EPB41L4A: variants seen among roughly 807,000 people sequenced by gnomAD.
EPB41L4A encodes the protein erythrocyte membrane protein band 4.1 like 4A.
Under a neutral mutation model 108.6 loss-of-function variants are expected in EPB41L4A, and 100 were observed. That is an observed-to-expected ratio of 0.92 (90% CI 0.78 to 1.09). The LOEUF (loss-of-function observed/expected upper bound fraction) is 1.09. EPB41L4A is among the 50% of genes least tolerant of loss of function. The pLI is 0.00. For missense variants in EPB41L4A, 1,030 were observed against 842.7 expected (o/e 1.22, Z -2.75); for synonymous variants, 319 against 289.0 (o/e 1.10, Z -1.05).
intron 1 of EPB41L4A, among the ~76,000 whole-genome samples, chr5:112,353,129 G>A (rs1363661924): frequency 6.6e-6 from 1 of 152,194 alleles, no homozygotes; most frequent in African/African-American, 2.4e-5. Flanking sequence ...GGCTTAGGCT[G>A]TTATTAGTGA....
At chr5:112,371,459 G>A (rs1189268753) in intron 1 of EPB41L4A, among the ~76,000 whole-genome samples, 4 of 152,158 alleles carry the variant, frequency 2.6e-5, no homozygotes, top group Admixed American at 1.3e-4. Flanking sequence ...CTTAAGATAT[G>A]GAATCCCTTG....
At chr5:112,153,673 T>G (rs1348260306) in intron 12 of EPB41L4A, among the ~76,000 whole-genome samples, 2 of 150,524 alleles carry the variant, frequency 1.3e-5, no homozygotes, top group Non-Finnish European at 3.0e-5. Context: ...ACACAATAGC[T>G]GATAGATCAA....
intron 1 of EPB41L4A, among the ~76,000 whole-genome samples, chr5:112,340,186 G>C (rs1177583920): frequency 6.6e-6 from 1 of 152,184 alleles, no homozygotes; most frequent in Non-Finnish European, 1.5e-5. Context: ...AGGAAAGGAA[G>C]ATCTACCCAA....
At chr5:112,391,034 A>C (rs1760899502) in intron 1 of EPB41L4A, among the ~76,000 whole-genome samples, 2 of 152,218 alleles carry the variant, frequency 1.3e-5, no homozygotes, top group Non-Finnish European at 2.9e-5. Context: ...CAACATCAAC[A>C]AAAAGGACAT....
At chr5:112,251,397 T>C (rs528540583) in intron 9 of EPB41L4A, among the ~76,000 whole-genome samples, 2 of 152,208 alleles carry the variant, frequency 1.3e-5, no homozygotes, top group Admixed American at 6.5e-5. Context: ...GCATAAGAGA[T>C]TGGTTGAATA....
At chr5:112,170,895 A>T in intron 19 of EPB41L4A, 50 bp downstream of exon 19, 1 of 1,539,526 alleles carries the variant, frequency 6.5e-7, no homozygotes, top group Non-Finnish European at 9.0e-7. Flanking sequence ...TTGCAATTGC[A>T]TTAAAACTAC....
chr5:112,248,896 G>A (rs943047463), intron 9 of EPB41L4A, among the ~76,000 whole-genome samples: 1 of 152,048 alleles, frequency 6.6e-6, no homozygotes, highest in African/African-American at 2.4e-5. Context: ...CTGTACTCTT[G>A]ACAGGCTCCT....
chr5:112,255,607 G>C (rs556781725), intron 9 of EPB41L4A, among the ~76,000 whole-genome samples: 1 of 152,208 alleles, frequency 6.6e-6, no homozygotes, highest in South Asian at 2.1e-4. Context: ...CATAATTACT[G>C]TTCCTTCTAT....
chr5:112,368,565 T>G (rs993745623), intron 1 of EPB41L4A, among the ~76,000 whole-genome samples: 1 of 152,150 alleles, frequency 6.6e-6, no homozygotes, highest in Non-Finnish European at 1.5e-5. Context: ...TCTGCATCTC[T>G]AATTCCAGAC....
intron 1 of EPB41L4A, among the ~76,000 whole-genome samples, chr5:112,380,524 A>G (rs1760100746): frequency 6.6e-6 from 1 of 152,132 alleles, no homozygotes; most frequent in Non-Finnish European, 1.5e-5. Context: ...CTGCTTAAAA[A>G]TCCTTTAACC....
chr5:112,389,268 G>A (rs931494340), intron 1 of EPB41L4A, among the ~76,000 whole-genome samples: 1 of 152,150 alleles, frequency 6.6e-6, no homozygotes, highest in Non-Finnish European at 1.5e-5. Context: ...TTATAATCCT[G>A]ACACTGTACT....
rs147176041 is a variant in EPB41L4A, at chr5:112,399,127, C to G, written c.99+19814G>C. ...TTCCACCAATATTCCTCTCAATACA[C>G]CCTCCCCTGCTATGATCATCACATA... On this transcript the variant is annotated intron_variant, in intron 1 of 22. Coordinates refer to ENST00000261486, the MANE Select transcript of EPB41L4A (RefSeq NM_022140.5). Among the ~76,000 whole-genome samples the G allele has an allele frequency of 9.1e-4, 138 of 152,198 alleles. 1 individual carries two copies. The East Asian group carries it at 0.024, about 26-fold the overall frequency.
At chr5:112,347,518 C>A (rs1007003486) in intron 1 of EPB41L4A, among the ~76,000 whole-genome samples, 4 of 152,168 alleles carry the variant, frequency 2.6e-5, no homozygotes, top group African/African-American at 9.7e-5. Flanking sequence ...ACTTTCCAAG[C>A]ATCTCAGAGC....
At chr5:112,328,195 G>T (rs1195846655) in intron 1 of EPB41L4A, among the ~76,000 whole-genome samples, 1 of 152,082 alleles carries the variant, frequency 6.6e-6, no homozygotes, top group East Asian at 1.9e-4. Flanking sequence ...TGTAGTCCCA[G>T]CTACTTTGGA....
chr5:112,233,278 G>A (rs1281507028), intron 12 of EPB41L4A, among the ~76,000 whole-genome samples: 1 of 152,074 alleles, frequency 6.6e-6, no homozygotes, highest in Admixed American at 6.5e-5. Flanking sequence ...TGAAAAGAAA[G>A]GAATGAAATT....
downstream of EPB41L4A, among the ~76,000 whole-genome samples, chr5:112,159,391 A>G (rs1307484077): frequency 6.6e-6 from 1 of 152,218 alleles, no homozygotes; most frequent in African/African-American, 2.4e-5. Context: ...TTATCATACA[A>G]CTTGTCTTGC....
chr5:112,341,606 A>C (rs1757321769), intron 1 of EPB41L4A, among the ~76,000 whole-genome samples: 1 of 152,186 alleles, frequency 6.6e-6, no homozygotes, highest in South Asian at 2.1e-4. Context: ...CCCAAAAGAA[A>C]GTAATTTTAA....
chr5:112,205,285 T>C (rs532124026), intron 14 of EPB41L4A, 136 bp downstream of exon 14: 50 of 778,360 alleles, frequency 6.4e-5, no homozygotes, highest in Middle Eastern at 2.3e-4. Flanking sequence ...CTGGGTCACA[T>C]TGATTTAGAG....
At chr5:112,146,114 A>G (rs1759246102) in intron 12 of EPB41L4A, 1 of 364,326 alleles carries the variant, frequency 2.7e-6, no homozygotes, top group African/African-American at 2.1e-5. Context: ...GTCTTACAGA[A>G]TCGAGACCAC....
Sources: allele counts gnomAD v4.1 joint callset (sites outside exome capture counted in the v4.1 genomes callset), GRCh38; gene constraint gnomAD v4.1.1; transcripts MANE v1.5; gene names NCBI Gene and HGNC (gene_info 2026-07-23, HGNC 2026-07-21).